Variants in NRIP1 observed in about 807,000 individuals in gnomAD.
NRIP1 encodes nuclear receptor interacting protein 1, also known as nuclear receptor-interacting protein 1.
A neutral mutation model predicts 75.0 loss-of-function variants in NRIP1; 28 were observed. The observed-to-expected ratio is 0.37, with a 90% CI of 0.28 to 0.51. The LOEUF (loss-of-function observed/expected upper bound fraction) is 0.51. Among genes scored for constraint, NRIP1 ranks in the 20% least tolerant of loss-of-function variants. The probability of loss-of-function intolerance (pLI) is 0.92; values close to 1 mark genes in which losing one functional copy is unlikely to be tolerated. For synonymous variants in NRIP1, 526 were observed against 487.6 expected (o/e 1.08, Z -1.04); for missense variants, 1,435 against 1,343.7 (o/e 1.07, Z -1.06).
rs1034781621 is a variant in NRIP1 at position 15,046,727 on chromosome 21, T to C, written c.-537-3153A>G. Reference sequence around the variant, plus strand: ...TGTTTCATTTACACTGAAAATCTGCTGTTTAATGTAGCCATCTTCATCAAT... The same window carrying C: ...TGTTTCATTTACACTGAAAATCTGCCGTTTAATGTAGCCATCTTCATCAAT... On this transcript the variant is annotated intron_variant, in intron 1 of 3. Coordinates refer to ENST00000318948, the MANE Select transcript of NRIP1 (RefSeq NM_003489.4). Among the ~76,000 whole-genome samples the C allele has an allele frequency of 3.3e-5, 5 of 152,372 alleles. No individual in the cohort carries two copies. In the East Asian group the frequency reaches 5.8e-4, roughly 18 times the overall value.
intron 3 of NRIP1, among the ~76,000 whole-genome samples, chr21:15,008,756 G>T (rs890649053): frequency 2.0e-5 from 3 of 152,176 alleles, no homozygotes; most frequent in African/African-American, 4.8e-5. Flanking sequence ...GTCCTCAAAG[G>T]GTGGTCCAAG....
Position 14,967,121 on chromosome 21 carries a change from T to C in NRIP1, c.1072A>G (p.Lys358Glu). ...NPMGIIPSSP[K>E]NAGYKNSLER... is the part of the protein sequence containing the mutation. Reference sequence around the variant, plus strand: ...AGTGAGTTCTTATAACCTGCATTTTTAGGGGAAGAAGGAATGATACCCATT... The same window carrying C: ...AGTGAGTTCTTATAACCTGCATTTTCAGGGGAAGAAGGAATGATACCCATT... The change falls in exon 4 of 4, where the codon AAA becomes GAA. Residue 358 changes from lysine (K) to glutamate (E), a missense_variant. Lys to Glu is a moderately conservative substitution (Grantham distance 56). Transcript: ENST00000318948. 1 of 1,614,118 alleles carries C rather than the reference T, an allele frequency of 6.2e-7. No homozygotes were observed. Among genetic ancestry groups the C allele is most frequent in the South Asian group, 1.1e-5 (1 of 91,078 alleles).
chr21:15,006,550 ATATAAGG>A lies in NRIP1; in HGVS notation c.-335+7787_-335+7793del, dbSNP rs141906091. Among the ~76,000 whole-genome samples the A allele has an allele frequency of 8.5e-3, 1,298 of 152,336 alleles. 16 individuals carry two copies. Among genetic ancestry groups the A allele is most frequent in the African/African-American group, 0.029 (1,188 of 41,572 alleles). On this transcript the variant is annotated intron_variant, in intron 3 of 3. Coordinates refer to ENST00000318948, the MANE Select transcript of NRIP1 (RefSeq NM_003489.4). ...TAACATGCTGGTTTGTCATCATCAG[ATATAAGG>A]TATGTCATGATTAGTTCTAAAGAGT...
chr21:15,050,751 C>T (rs1232899266), intron 1 of NRIP1: 7 of 455,910 alleles, frequency 1.5e-5, no homozygotes, highest in Non-Finnish European at 3.1e-5. Flanking sequence ...GAGATTGCCC[C>T]TCTAGGGGCC....
At chr21:15,043,073 G>A (rs2147324616) in intron 2 of NRIP1, among the ~76,000 whole-genome samples, 2 of 152,292 alleles carry the variant, frequency 1.3e-5, no homozygotes, top group Middle Eastern at 6.8e-3. Context: ...TCCAAATGCA[G>A]ATGGCAGCTG....
intron 1 of NRIP1, among the ~76,000 whole-genome samples, chr21:15,064,458 G>T (rs1232146929): frequency 6.6e-6 from 1 of 152,082 alleles, no homozygotes; most frequent in East Asian, 1.9e-4. Context: ...CCCCGCTCAG[G>T]GGCCACGCGA....
chr21:15,037,363 A>T (rs17000797), intron 2 of NRIP1, among the ~76,000 whole-genome samples: 431 of 152,312 alleles, frequency 2.8e-3, no homozygotes, highest in Non-Finnish European at 5.1e-3. Context: ...CTTTAAAATT[A>T]TATCAGGACA....
chr21:15,017,347 G>A (rs1014987956), intron 2 of NRIP1, among the ~76,000 whole-genome samples: 4 of 151,976 alleles, frequency 2.6e-5, no homozygotes, highest in East Asian at 1.9e-4. Context: ...TGTGCACCAC[G>A]GTGCCCAACT....
intron 2 of NRIP1, among the ~76,000 whole-genome samples, chr21:15,020,077 T>C (rs978430398): frequency 6.6e-6 from 1 of 151,878 alleles, no homozygotes; most frequent in Non-Finnish European, 1.5e-5. Context: ...TCTACCTAAA[T>C]GCCATCGTAA....
intron 2 of NRIP1, among the ~76,000 whole-genome samples, chr21:15,024,846 T>C (rs1340468698): frequency 6.6e-6 from 1 of 152,158 alleles, no homozygotes; most frequent in Non-Finnish European, 1.5e-5. Flanking sequence ...TTTAAGTATA[T>C]AATGTACGAA....
At chr21:14,979,700 G>A (rs2087176142) in intron 3 of NRIP1, among the ~76,000 whole-genome samples, 1 of 151,694 alleles carries the variant, frequency 6.6e-6, no homozygotes, top group Non-Finnish European at 1.5e-5. Context: ...TTTTTTAATA[G>A]CGACGGGGTT....
In NRIP1 at chr21:14,963,551, T is replaced by C. The variant is rs951515594; in HGVS notation, c.*1165A>G. ...TGATGTGTGACTGTATTGGGGAAAA[T>C]AGAGGCATCACATAGTTTTTTGTTT... On this transcript the variant is annotated 3_prime_UTR_variant, in exon 4 of 4. Transcript: ENST00000318948. The C allele has an allele frequency of 1.2e-4, 19 of 152,606 alleles. No individual in the cohort carries two copies. Among genetic ancestry groups the C allele is most frequent in the Admixed American group, 8.5e-4 (13 of 15,270 alleles). 9.5% of individuals were successfully genotyped at this position (152,606 alleles called of 1,614,324 possible).
intron 3 of NRIP1, among the ~76,000 whole-genome samples, chr21:14,978,756 C>T (rs556113140): frequency 6.6e-6 from 1 of 152,258 alleles, no homozygotes; most frequent in East Asian, 1.9e-4. Context: ...ATTCATTTTA[C>T]ACTGCCTCTA....
At chr21:15,047,509 C>T (rs2089109291) in intron 1 of NRIP1, among the ~76,000 whole-genome samples, 1 of 152,224 alleles carries the variant, frequency 6.6e-6, no homozygotes, top group Admixed American at 6.5e-5. Flanking sequence ...CACTGCACTC[C>T]AGCCTGGGCG....
intron 1 of NRIP1, among the ~76,000 whole-genome samples, chr21:15,061,530 AC>A (rs2089423344): frequency 6.6e-6 from 1 of 152,160 alleles, no homozygotes; most frequent in Non-Finnish European, 1.5e-5. Context: ...CCTCTTACTA[AC>A]CTACATTAAA....
chr21:14,962,078 G>C lies in NRIP1; in HGVS notation c.*2638C>G, dbSNP rs1469689546. 6.8e-6 allele frequency: 1 copy of C among 146,874 alleles called. No individual in the cohort carries two copies. Among genetic ancestry groups the C allele is most frequent in the African/African-American group, 2.5e-5 (1 of 40,178 alleles). 9.1% of individuals were successfully genotyped at this position (146,874 alleles called of 1,614,324 possible). A position where few individuals can be genotyped will look rare whatever the true frequency, so the allele number is the denominator to read the frequency against. On this transcript the variant is annotated 3_prime_UTR_variant, in exon 4 of 4. Coordinates refer to ENST00000318948, the MANE Select transcript of NRIP1 (RefSeq NM_003489.4). ...CTCTCACCAGTTTACTCTTCTGTAA[G>C]ATGCAGCAGAGAATAAACAGGTAAT...
intron 2 of NRIP1, among the ~76,000 whole-genome samples, chr21:15,029,545 G>A (rs1048282795): frequency 4.6e-5 from 7 of 152,044 alleles, no homozygotes; most frequent in African/African-American, 1.7e-4. Context: ...TATCTTATTT[G>A]TCTATCTCAC....
At chr21:14,991,482 T>C (rs1198193282) in intron 3 of NRIP1, among the ~76,000 whole-genome samples, 1 of 152,026 alleles carries the variant, frequency 6.6e-6, no homozygotes, top group Non-Finnish European at 1.5e-5. Context: ...ATGTTGTTAG[T>C]TCAGCTAAAC....
rs531351769 is a variant in NRIP1 at position 15,006,506 on chromosome 21, A to T, written c.-335+7838T>A. ...TGCTTAAATCACAATATATGCTAAAATCAGTGTGTCTCCATCTATAACATG... is the reference window on the plus strand; with the variant it reads ...TGCTTAAATCACAATATATGCTAAATTCAGTGTGTCTCCATCTATAACATG... On this transcript the variant is annotated intron_variant, in intron 3 of 3. Transcript: ENST00000318948. 3.9e-5 allele frequency among the ~76,000 whole-genome samples: 6 copies of T among 152,368 alleles called. No individual in the cohort carries two copies. The South Asian group carries it at 1.2e-3, about 32-fold the overall frequency.
Sources: allele counts gnomAD v4.1 joint callset (sites outside exome capture counted in the v4.1 genomes callset), GRCh38; gene constraint gnomAD v4.1.1; transcripts MANE v1.5; gene names NCBI Gene and HGNC (gene_info 2026-07-23, HGNC 2026-07-21).